STARD13: variants seen among roughly 807,000 people sequenced by gnomAD.
STARD13 encodes stAR-related lipid transfer protein 13.
A neutral mutation model predicts 106.4 loss-of-function variants in STARD13; 62 were observed. That is an observed-to-expected ratio of 0.58 (90% CI 0.48 to 0.72). The LOEUF (loss-of-function observed/expected upper bound fraction) is 0.72. STARD13 is among the 30% of genes least tolerant of loss of function. STARD13 has a pLI of 0.00. For synonymous variants in STARD13, 565 were observed against 553.0 expected (o/e 1.02, Z -0.31); for missense variants, 1,387 against 1,424.0 (o/e 0.97, Z 0.42).
At chr13:33,190,220 G>T (rs1886142153) in intron 1 of STARD13, among the ~76,000 whole-genome samples, 1 of 152,114 alleles carries the variant, frequency 6.6e-6, no homozygotes, top group South Asian at 2.1e-4. Flanking sequence ...ATGAGGAAGG[G>T]TCACTTAAGG....
At chr13:33,267,672 G>A (rs1215948473) in intron 1 of STARD13, among the ~76,000 whole-genome samples, 1 of 152,172 alleles carries the variant, frequency 6.6e-6, no homozygotes, top group Non-Finnish European at 1.5e-5. Flanking sequence ...GACAATAAAT[G>A]CACTTCATTT....
At chr13:33,356,298 G>A in the STARD13 span, among the ~76,000 whole-genome samples, 3 of 152,146 alleles carry the variant, frequency 2.0e-5, no homozygotes, top group Middle Eastern at 3.2e-3. Context: ...TTAGCATATC[G>A]ATTTAGGTAA....
chr13:33,179,429 C>T (rs938029848), intron 1 of STARD13, among the ~76,000 whole-genome samples: 3 of 152,202 alleles, frequency 2.0e-5, no homozygotes, highest in Non-Finnish European at 2.9e-5. Context: ...ACCTGGAGCA[C>T]AGCATTTGCT....
rs532038800 is a variant in STARD13 at position 33,283,238 on chromosome 13, A to G, written c.169+2232T>C. 3.9e-5 allele frequency among the ~76,000 whole-genome samples: 6 copies of G among 152,266 alleles called. No homozygotes were observed. The East Asian group carries it at 5.8e-4, about 15-fold the overall frequency. Reference sequence around the variant, plus strand: ...GAGTAGAAAAGTCTAAAAAGTCTCTAGTATATTATATAATCTGAAACTCAA... The same window carrying G: ...GAGTAGAAAAGTCTAAAAAGTCTCTGGTATATTATATAATCTGAAACTCAA... On this transcript the variant is annotated intron_variant, in intron 1 of 13. Transcript: ENST00000336934.
At chr13:33,541,050 T>C in the STARD13 span, among the ~76,000 whole-genome samples, 6 of 152,186 alleles carry the variant, frequency 3.9e-5, no homozygotes, top group Non-Finnish European at 8.8e-5. Flanking sequence ...TCTGAATATA[T>C]GTGTACTCTT....
At chr13:33,404,815 C>T in the STARD13 span, among the ~76,000 whole-genome samples, 68 of 143,060 alleles carry the variant, frequency 4.8e-4, no homozygotes, top group Middle Eastern at 4.0e-3. Flanking sequence ...CTCACTCTGT[C>T]GCCCAGGCTG....
chr13:33,123,865 T>C (rs1008107090), intron 7 of STARD13, among the ~76,000 whole-genome samples: 1 of 152,214 alleles, frequency 6.6e-6, no homozygotes, highest in African/African-American at 2.4e-5. Flanking sequence ...TCCCTGAGAC[T>C]CGGGGCAATG....
At chr13:33,288,353 C>T (rs1892154701), upstream of STARD13, among the ~76,000 whole-genome samples, 1 of 152,012 alleles carries the variant, frequency 6.6e-6, no homozygotes, top group Non-Finnish European at 1.5e-5. Flanking sequence ...TCACTGTAGT[C>T]TCCAACTCCT....
At chr13:33,361,281 T>C in the STARD13 span, among the ~76,000 whole-genome samples, 1 of 151,822 alleles carries the variant, frequency 6.6e-6, no homozygotes, top group African/African-American at 2.4e-5. Context: ...CCACTTGCAC[T>C]TAATGAATAG....
chr13:33,614,284 T>TGTGTGTGTGTGTGC, the STARD13 span, among the ~76,000 whole-genome samples: 21 of 151,998 alleles, frequency 1.4e-4, no homozygotes, highest in Non-Finnish European at 2.5e-4. Flanking sequence ...TGTGTGTGTG[T>TGTGTGTGTGTGTGC]GTGTGTGTGT....
the STARD13 span, among the ~76,000 whole-genome samples, chr13:33,419,187 C>G: frequency 6.6e-6 from 1 of 152,116 alleles, no homozygotes; most frequent in Non-Finnish European, 1.5e-5. Flanking sequence ...GGAACATGTT[C>G]TAACCCATCA....
chr13:33,177,655 A>AT lies in STARD13; in HGVS notation c.170-10034dup, dbSNP rs1344676061. 2.0e-5 allele frequency among the ~76,000 whole-genome samples: 3 copies of AT among 151,420 alleles called. No individual in the cohort carries two copies. The East Asian group carries it at 5.9e-4, about 30-fold the overall frequency. On this transcript the variant is annotated intron_variant, in intron 1 of 13. Transcript: ENST00000336934. ...TTTGAAAATCAAATAAATGATTTCA[A>AT]TTTTCTGTTACTAAGCAAAAATATA...
chr13:33,394,913 T>TA, the STARD13 span, among the ~76,000 whole-genome samples: 1 of 152,212 alleles, frequency 6.6e-6, no homozygotes, highest in African/African-American at 2.4e-5. Flanking sequence ...TTCAGAGTGA[T>TA]AGAGTTCTAA....
chr13:33,562,317 A>G, the STARD13 span, among the ~76,000 whole-genome samples: 11 of 146,392 alleles, frequency 7.5e-5, 2 homozygotes, highest in East Asian at 2.0e-3. Flanking sequence ...TGATTCTCCA[A>G]TCTGGCTGCC....
chr13:33,527,165 A>G, the STARD13 span, among the ~76,000 whole-genome samples: 1 of 152,116 alleles, frequency 6.6e-6, no homozygotes, highest in Non-Finnish European at 1.5e-5. Context: ...TAAGTGAACA[A>G]GAGTTTTCCA....
chr13:33,402,062 C>A, the STARD13 span, among the ~76,000 whole-genome samples: 1 of 152,004 alleles, frequency 6.6e-6, no homozygotes, highest in Admixed American at 6.5e-5. Context: ...GCAATCAAGG[C>A]CTATAATAAG....
chr13:33,214,510 A>G (rs142354769), intron 1 of STARD13, among the ~76,000 whole-genome samples: 2 of 152,306 alleles, frequency 1.3e-5, no homozygotes, highest in African/African-American at 2.4e-5. Flanking sequence ...TAGCTGCTCT[A>G]CTATAATGCT....
chr13:33,375,968 T>C, the STARD13 span, among the ~76,000 whole-genome samples: 1 of 152,148 alleles, frequency 6.6e-6, no homozygotes, highest in East Asian at 1.9e-4. Flanking sequence ...ACTTTACTGG[T>C]TTTGACCACA....
the STARD13 span, among the ~76,000 whole-genome samples, chr13:33,600,161 T>A: frequency 6.6e-6 from 1 of 152,156 alleles, no homozygotes; most frequent in South Asian, 2.1e-4. Flanking sequence ...ATCTAGAATG[T>A]GGAACATTCT....
Sources: gnomAD v4.1 joint callset for allele counts (sites outside exome capture counted in the v4.1 genomes callset) on GRCh38, gnomAD v4.1.1 for gene constraint, MANE v1.5 for transcripts, NCBI Gene and HGNC (gene_info 2026-07-23, HGNC 2026-07-21) for gene names.